EGFLAM: variants seen among roughly 807,000 people sequenced by gnomAD.
EGFLAM encodes pikachurin.
Under a neutral mutation model 113.1 loss-of-function variants are expected in EGFLAM, and 79 were observed. The observed-to-expected ratio is 0.70, with a 90% CI of 0.58 to 0.84. The LOEUF is 0.84. EGFLAM is among the 40% of genes least tolerant of loss of function. The probability of loss-of-function intolerance (pLI) is 0.00; values close to 1 mark genes in which losing one functional copy is unlikely to be tolerated. For missense variants in EGFLAM, 1,265 were observed against 1,291.6 expected, an observed-to-expected ratio of 0.98 and a Z score of 0.32; for synonymous variants, 504 against 487.6, an observed-to-expected ratio of 1.03 and a Z score of -0.44.
intron 6 of EGFLAM, among the ~76,000 whole-genome samples, chr5:38,373,922 T>C (rs535967417): frequency 2.4e-4 from 36 of 152,278 alleles, no homozygotes; most frequent in Middle Eastern, 3.4e-3. Flanking sequence ...TGCCGACATC[T>C]GGTAGCAAAG....
chr5:38,345,349 A>T (rs1739447885), intron 3 of EGFLAM: 1 of 152,260 alleles, frequency 6.6e-6, no homozygotes, highest in African/African-American at 2.4e-5. Flanking sequence ...ACCAATTGTA[A>T]GATGAAAGTT....
intron 3 of EGFLAM, among the ~76,000 whole-genome samples, chr5:38,343,521 G>T (rs552873089): frequency 1.1e-4 from 16 of 152,152 alleles, no homozygotes; most frequent in African/African-American, 3.4e-4. Context: ...TAACTTTCCT[G>T]CAGTACGCAG....
chr5:38,333,784 T>C (rs1366363634), intron 1 of EGFLAM, among the ~76,000 whole-genome samples: 1 of 152,174 alleles, frequency 6.6e-6, no homozygotes, highest in Non-Finnish European at 1.5e-5. Context: ...TCTTTTGCTG[T>C]GCAGAAGCTC....
chr5:38,379,942 T>C (rs114968954), intron 6 of EGFLAM, among the ~76,000 whole-genome samples: 4,744 of 152,278 alleles, frequency 0.031, 229 homozygotes, highest in African/African-American at 0.11. Flanking sequence ...AGCAAATTTT[T>C]CTATAAAGGG....
At chr5:38,408,375 A>G (rs1378902683) in intron 9 of EGFLAM, among the ~76,000 whole-genome samples, 1 of 152,222 alleles carries the variant, frequency 6.6e-6, no homozygotes, top group African/African-American at 2.4e-5. Context: ...TCTGATTTGA[A>G]TCAACTGCAG....
At chr5:38,336,592 C>G (rs965980298) in intron 1 of EGFLAM, among the ~76,000 whole-genome samples, 2 of 151,650 alleles carry the variant, frequency 1.3e-5, no homozygotes, top group Non-Finnish European at 2.9e-5. Flanking sequence ...CACACACACA[C>G]ACACACAGAC....
At chr5:38,372,970 TATCAAA>T in intron 6 of EGFLAM, among the ~76,000 whole-genome samples, 1 of 152,230 alleles carries the variant, frequency 6.6e-6, no homozygotes, top group Non-Finnish European at 1.5e-5. Flanking sequence ...ATTACCTAAT[TATCAAA>T]TAGCACTATC....
chr5:38,428,184 A>G (rs1169740603), intron 14 of EGFLAM, among the ~76,000 whole-genome samples: 1 of 152,238 alleles, frequency 6.6e-6, no homozygotes, highest in Non-Finnish European at 1.5e-5. Flanking sequence ...GTTTCAAAGA[A>G]TATTGCAAAC....
intron 6 of EGFLAM, among the ~76,000 whole-genome samples, chr5:38,384,674 G>A (rs1281162108): frequency 6.6e-6 from 1 of 152,154 alleles, no homozygotes; most frequent in African/African-American, 2.4e-5. Context: ...GTGGCCCATA[G>A]GGACCTGGCT....
intron 17 of EGFLAM, among the ~76,000 whole-genome samples, chr5:38,443,020 C>T (rs1742595278): frequency 6.6e-6 from 1 of 152,122 alleles, no homozygotes; most frequent in South Asian, 2.1e-4. Context: ...AATCCCAGCC[C>T]TTTGGGAGGC....
intron 6 of EGFLAM, among the ~76,000 whole-genome samples, chr5:38,394,202 G>T (rs1740891156): frequency 6.6e-6 from 1 of 151,788 alleles, no homozygotes; most frequent in Non-Finnish European, 1.5e-5. Context: ...CAGGACAGGG[G>T]TGAGGCAAGC....
chr5:38,320,712 C>T lies in EGFLAM; in HGVS notation c.98-16808C>T, dbSNP rs182776050. On this transcript the variant is annotated intron_variant, in intron 1 of 21. Coordinates refer to ENST00000322350, the MANE Select transcript of EGFLAM (RefSeq NM_152403.4). ...TGCCTTCTTAGATGATGTAAGACAG[C>T]GGTCCCCAACCTGGGACCCCTCTGG... Among the ~76,000 whole-genome samples, 32 of 152,034 alleles carry T rather than the reference C, an allele frequency of 2.1e-4. No individual in the cohort carries two copies. The East Asian group carries it at 2.9e-3, about 14-fold the overall frequency.
At chr5:38,314,108 A>T (rs1738527457) in intron 1 of EGFLAM, among the ~76,000 whole-genome samples, 2 of 152,216 alleles carry the variant, frequency 1.3e-5, no homozygotes, top group African/African-American at 4.8e-5. Flanking sequence ...TTATGGCTTT[A>T]CCAATATATA....
At position 38,264,534 on chromosome 5, in the gene EGFLAM, G is replaced by A. The variant is rs144646809; in HGVS notation, c.97+5683G>A. On this transcript the variant is annotated intron_variant, in intron 1 of 21. Coordinates refer to ENST00000322350, the MANE Select transcript of EGFLAM (RefSeq NM_152403.4). ...TGCTGCTGCTAGTGTGAGGCTGAAT[G>A]GCTAAGGGGCAGTGGCCAGGGATCA... 2.5e-4 allele frequency among the ~76,000 whole-genome samples: 38 copies of A among 152,290 alleles called. 2 individuals are homozygous for A. In the East Asian group the frequency reaches 7.2e-3, roughly 29 times the overall value.
chr5:38,279,146 C>A (rs1896658), intron 1 of EGFLAM, among the ~76,000 whole-genome samples: 1 of 151,940 alleles, frequency 6.6e-6, no homozygotes, highest in African/African-American at 2.4e-5. Context: ...ATCAGAGAAA[C>A]GCAAATCAAA....
chr5:38,442,183 A>T lies in EGFLAM; in HGVS notation c.2464+3728A>T, dbSNP rs962175660. Among the ~76,000 whole-genome samples the T allele has an allele frequency of 1.1e-4, 17 of 151,696 alleles. 1 individual carries two copies. The highest frequency in any genetic ancestry group is 6.6e-4 in the Admixed American group (10 of 15,220). On this transcript the variant is annotated intron_variant, in intron 17 of 21. Transcript: ENST00000322350. ...AAAAAGCTTCTGTAAATATAAGAAA[A>T]CTCTGTATATAAAACCACAAATTAA... is the stretch of plus-strand genomic sequence containing the variant.
intron 11 of EGFLAM, 30 bp downstream of exon 11, chr5:38,412,678 C>T (rs769476744): frequency 6.2e-7 from 1 of 1,607,346 alleles, no homozygotes; most frequent in South Asian, 1.1e-5. Context: ...CCTGCCCACC[C>T]CACATACCAC....
chr5:38,404,160 C>T (rs1222003587), intron 6 of EGFLAM, among the ~76,000 whole-genome samples: 11 of 152,152 alleles, frequency 7.2e-5, no homozygotes, highest in African/African-American at 2.4e-4. Context: ...TGACTTTCTG[C>T]CATTTCCTTC....
At chr5:38,442,526 G>A (rs547703650) in intron 17 of EGFLAM, among the ~76,000 whole-genome samples, 7 of 151,370 alleles carry the variant, frequency 4.6e-5, no homozygotes, top group East Asian at 3.9e-4. Flanking sequence ...CAAGTAATTC[G>A]GTTGTTATAT....
Sources: allele counts gnomAD v4.1 joint callset (sites outside exome capture counted in the v4.1 genomes callset), GRCh38; gene constraint gnomAD v4.1.1; transcripts MANE v1.5; gene names NCBI Gene and HGNC (gene_info 2026-07-23, HGNC 2026-07-21).